Variants in DAG1 observed in about 807,000 individuals in gnomAD.
DAG1 encodes dystroglycan 1.
A neutral mutation model predicts 46.1 loss-of-function variants in DAG1; 8 were observed. The ratio of observed to expected loss-of-function variants is 0.17; its 90% confidence interval spans 0.10 to 0.31. The LOEUF is 0.31. DAG1 is among the 10% of genes least tolerant of loss of function. The pLI, the probability that DAG1 is intolerant of heterozygous loss-of-function variation, is 1.00. For missense variants in DAG1, 1,003 were observed against 1,189.9 expected, an observed-to-expected ratio of 0.84 and a Z score of 2.31; for synonymous variants, 495 against 481.8, an observed-to-expected ratio of 1.03 and a Z score of -0.36.
At position 49,502,669 on chromosome 3, in the gene DAG1, T is replaced by G. The variant is rs1404822950; in HGVS notation, c.-116-7750T>G. ...TTTTTTTTTTTTTGAGACGGAGTCT[T>G]GCTCTGTCGCCTAGGCTGGAGTGCA... is the stretch of plus-strand genomic sequence containing the variant. On this transcript the variant is annotated intron_variant, in intron 1 of 2. Transcript: ENST00000308775. Among the ~76,000 whole-genome samples the G allele has an allele frequency of 6.7e-5, 10 of 148,932 alleles. No individual in the cohort carries two copies. The East Asian group carries it at 1.8e-3, about 26-fold the overall frequency.
In DAG1 at chr3:49,533,404, T is replaced by A. The variant is rs2051426442; in HGVS notation, c.*205T>A. On this transcript the variant is annotated 3_prime_UTR_variant, in exon 3 of 3. Coordinates refer to ENST00000308775, the MANE Select transcript of DAG1 (RefSeq NM_004393.6). ...GCTGGAGAGACTTTGGGGACTTTTT[T>A]ATTTTTATTTTTTGCCTAACAGCTT... 1.3e-6 allele frequency: 1 copy of A among 783,542 alleles called. No homozygotes were observed. The allele number at this position is 783,542 out of a possible 1,614,324, so 48.5% of individuals were successfully genotyped here. A position where few individuals can be genotyped will look rare whatever the true frequency, so the allele number is the denominator to read the frequency against.
intron 1 of DAG1, among the ~76,000 whole-genome samples, chr3:49,473,793 A>G (rs2049596012): frequency 6.6e-6 from 1 of 151,810 alleles, no homozygotes; most frequent in Non-Finnish European, 1.5e-5. Context: ...CATGTTGGCC[A>G]GCCTAATCTT....
Position 49,511,270 on chromosome 3 carries a change from CAA to C in DAG1, c.285+454_285+455del, listed in dbSNP as rs2050754585. ...CTAATGTAATTGATCACTTAAGAAC[CAA>C]AATTAGTACCCAAACTTCAGCCTTG... On this transcript the variant is annotated intron_variant, in intron 2 of 2. Transcript: ENST00000308775. Among the ~76,000 whole-genome samples the C allele has an allele frequency of 6.6e-5, 10 of 152,244 alleles. No homozygotes were observed. In the South Asian group the frequency reaches 1.9e-3, roughly 28 times the overall value.
At position 49,533,092 on chromosome 3, in the gene DAG1, C is replaced by G. The variant is rs757242141; in HGVS notation, c.2581C>G (p.Pro861Ala). 4 of 1,614,004 alleles carry G rather than the reference C, an allele frequency of 2.5e-6. No individual in the cohort carries two copies. Among genetic ancestry groups the G allele is most frequent in the Non-Finnish European group, 3.4e-6 (4 of 1,180,016 alleles). The change falls in exon 3 of 3, where the codon CCT (proline) becomes GCT (alanine). Residue 861 changes from proline to alanine, a missense_variant. Transcript: ENST00000308775. ...TPLRDEDPNA[P>A]PYQPPPPFTA... is the part of the protein sequence containing the mutation. ...CCTGCGGGATGAGGATCCCAATGCG[C>G]CTCCCTACCAGCCCCCACCGCCCTT...
At chr3:49,481,610 C>T (rs960592323) in intron 1 of DAG1, among the ~76,000 whole-genome samples, 2 of 152,062 alleles carry the variant, frequency 1.3e-5, no homozygotes, top group African/African-American at 4.8e-5. Flanking sequence ...CATGAGGAGC[C>T]ACAGATTCAT....
chr3:49,497,769 A>G (rs990721217), intron 1 of DAG1, among the ~76,000 whole-genome samples: 1 of 152,216 alleles, frequency 6.6e-6, no homozygotes, highest in Non-Finnish European at 1.5e-5. Flanking sequence ...GAATTCTTTC[A>G]GTGAGCCCCA....
chr3:49,511,237 T>G (rs2050753567), intron 2 of DAG1, among the ~76,000 whole-genome samples: 1 of 152,218 alleles, frequency 6.6e-6, no homozygotes, highest in Non-Finnish European at 1.5e-5. Context: ...TTTGCTGATG[T>G]ATGTTGGCTA....
At chr3:49,484,474 G>A (rs966213847) in intron 1 of DAG1, among the ~76,000 whole-genome samples, 1 of 152,026 alleles carries the variant, frequency 6.6e-6, no homozygotes, top group African/African-American at 2.4e-5. Context: ...TTAATCAGAT[G>A]GTACCTCTGT....
In DAG1 at chr3:49,520,998, A is replaced by G. The variant is rs138081064; in HGVS notation, c.286-9799A>G. ...CTTCAGTTTTGTTTTTCAGCTATGC[A>G]TAACTGACTCAGACTATGGGTGGAA... On this transcript the variant is annotated intron_variant, in intron 2 of 2. Coordinates refer to ENST00000308775, the MANE Select transcript of DAG1 (RefSeq NM_004393.6). Among the ~76,000 whole-genome samples the G allele has an allele frequency of 9.4e-3, 1,435 of 152,286 alleles. 28 individuals carry two copies. The highest frequency in any genetic ancestry group is 0.031 in the African/African-American group (1,290 of 41,558).
Position 49,533,309 on chromosome 3 carries a change from T to A in DAG1, c.*110T>A. ...CCATTGCCCACCGGGAGCCGACACC[T>A]GACCTAGCACACACTGACACAGGGG... On this transcript the variant is annotated 3_prime_UTR_variant, in exon 3 of 3. Coordinates refer to ENST00000308775, the MANE Select transcript of DAG1 (RefSeq NM_004393.6). The A allele has an allele frequency of 1.3e-5, 19 of 1,497,194 alleles. No individual in the cohort carries two copies. The highest frequency in any genetic ancestry group is 1.7e-5 in the Non-Finnish European group (19 of 1,106,946). The allele number at this position is 1,497,194 out of a possible 1,614,324, so 92.7% of individuals were successfully genotyped here.
intron 1 of DAG1, among the ~76,000 whole-genome samples, chr3:49,484,089 A>C (rs1182436492): frequency 6.6e-6 from 1 of 152,202 alleles, no homozygotes; most frequent in African/African-American, 2.4e-5. Context: ...TTAAAGTCAC[A>C]AATAGATAAC....
rs1436524509 is a variant in DAG1, at chr3:49,533,520, A to G, written c.*321A>G. 8 of 552,164 alleles carry G rather than the reference A, an allele frequency of 1.4e-5. No homozygotes were observed. Among genetic ancestry groups the G allele is most frequent in the Non-Finnish European group, 2.0e-5 (6 of 294,014 alleles). The allele number at this position is 552,164 out of a possible 1,614,324, so 34.2% of individuals were successfully genotyped here. ...GTGGAGGTGGAGGGAGCGAGGAACC[A>G]TGAATGAACTCGCAGGCAGTGCCGG... is the stretch of plus-strand genomic sequence containing the variant. On this transcript the variant is annotated 3_prime_UTR_variant, in exon 3 of 3. Transcript: ENST00000308775.
intron 1 of DAG1, among the ~76,000 whole-genome samples, chr3:49,472,736 G>A (rs2049558619): frequency 2.0e-5 from 3 of 152,172 alleles, no homozygotes; most frequent in South Asian, 2.1e-4. Flanking sequence ...GAACCCGGGA[G>A]GCGGAGCTTG....
intron 2 of DAG1, among the ~76,000 whole-genome samples, chr3:49,511,896 G>A (rs1201076298): frequency 6.6e-6 from 1 of 152,162 alleles, no homozygotes; most frequent in African/African-American, 2.4e-5. Flanking sequence ...TGTTAAAGTA[G>A]CCTTTACAAT....
In DAG1 at chr3:49,510,508, A is replaced by G; in HGVS notation, c.-27A>G. 1.2e-6 allele frequency: 2 copies of G among 1,610,532 alleles called. No individual in the cohort carries two copies. The highest frequency in any genetic ancestry group is 1.3e-5 in the African/African-American group (1 of 74,960). ...ACTTGCTTCCTTACTTAGCAAGACT[A>G]TCGACTTGAGCAAACTTGGACCTGG... On this transcript the variant is annotated 5_prime_UTR_variant, in exon 2 of 3. Coordinates refer to ENST00000308775, the MANE Select transcript of DAG1 (RefSeq NM_004393.6).
chr3:49,481,657 G>A (rs557625968), intron 1 of DAG1, among the ~76,000 whole-genome samples: 2 of 152,256 alleles, frequency 1.3e-5, no homozygotes, highest in South Asian at 4.1e-4. Context: ...GATACCCTAA[G>A]TATAGGGGAG....
chr3:49,532,632 G>A lies in DAG1; in HGVS notation c.2121G>A (p.Val707=). 6.2e-7 allele frequency: 1 copy of A among 1,613,946 alleles called. No individual in the cohort carries two copies. ...EPDFKATSIT[V]TGSGSCRHLQ... ...ACTTTAAGGCCACAAGCATCACTGTGACGGGCTCTGGCAGTTGTCGGCACC... is the reference window on the plus strand; with the variant it reads ...ACTTTAAGGCCACAAGCATCACTGTAACGGGCTCTGGCAGTTGTCGGCACC... The change falls in exon 3 of 3, where the codon GTG becomes GTA. Residue 707 remains valine (V), a synonymous_variant. Coordinates refer to ENST00000308775, the MANE Select transcript of DAG1 (RefSeq NM_004393.6). This position sits in a 1 kb window ranked among gnomAD's most constrained non-coding sequence, Gnocchi z 5.4.
At chr3:49,490,772 G>C (rs912124194) in intron 1 of DAG1, among the ~76,000 whole-genome samples, 5 of 150,644 alleles carry the variant, frequency 3.3e-5, no homozygotes, top group Admixed American at 6.6e-5. Context: ...GTTTCACCAT[G>C]TTGCCCAGGC....
intron 2 of DAG1, among the ~76,000 whole-genome samples, chr3:49,513,232 T>C (rs1347002772): frequency 6.6e-6 from 1 of 152,154 alleles, no homozygotes; most frequent in Non-Finnish European, 1.5e-5. Context: ...ACAGGGAGCT[T>C]AGCTGGGGCT....
Sources: allele counts gnomAD v4.1 joint callset (sites outside exome capture counted in the v4.1 genomes callset), GRCh38; gene constraint gnomAD v4.1.1; non-coding constraint Gnocchi (gnomAD v3.1); transcripts MANE v1.5; gene names NCBI Gene and HGNC (gene_info 2026-07-23, HGNC 2026-07-21).